Variants in EPHA3 observed in about 807,000 individuals in gnomAD.
The protein encoded by EPHA3 is ephrin type-A receptor 3.
In EPHA3, 42 loss-of-function variants were observed where a neutral mutation model predicts 107.1. The ratio of observed to expected loss-of-function variants is 0.39; its 90% CI spans 0.31 to 0.51. The LOEUF (loss-of-function observed/expected upper bound fraction) is 0.51. Among genes scored for constraint, EPHA3 ranks in the 20% least tolerant of loss-of-function variants. The pLI is 0.78. For synonymous variants in EPHA3, 461 were observed against 424.8 expected, an observed-to-expected ratio of 1.09 and a Z score of -1.05; for missense variants, 1,183 against 1,211.2, an observed-to-expected ratio of 0.98 and a Z score of 0.35.
chr3:89,322,172 A>C (rs1707059067), intron 3 of EPHA3, among the ~76,000 whole-genome samples: 1 of 151,996 alleles, frequency 6.6e-6, no homozygotes. Context: ...TACTTATCGC[A>C]TTCAAGAGAG....
chr3:89,352,055 T>C (rs530391314), intron 5 of EPHA3, among the ~76,000 whole-genome samples: 1 of 151,334 alleles, frequency 6.6e-6, no homozygotes, highest in Admixed American at 6.6e-5. Context: ...ATTATGATAT[T>C]TAAAAGAGAG....
At chr3:89,300,938 C>A (rs1706472391) in intron 3 of EPHA3, among the ~76,000 whole-genome samples, 1 of 152,048 alleles carries the variant, frequency 6.6e-6, no homozygotes. Context: ...GGTTATAAAG[C>A]AAGGTAGCTG....
chr3:89,327,278 AG>A (rs1434407456), intron 3 of EPHA3, among the ~76,000 whole-genome samples: 1 of 152,190 alleles, frequency 6.6e-6, no homozygotes, highest in Non-Finnish European at 1.5e-5. Context: ...TGTTTTAGAA[AG>A]AAGATTTTCA....
intron 3 of EPHA3, among the ~76,000 whole-genome samples, chr3:89,211,723 TTTTTCTTCTTCTTCTTCTCCTTC>T (rs1704091313): frequency 1.6e-5 from 2 of 128,414 alleles, no homozygotes; most frequent in Non-Finnish European, 3.4e-5. Flanking sequence ...CCTCTTCTTC[TTTTTCTTCTTCTTCTTCTCCTTC>T]TTCTTCTTCT....
At chr3:89,143,590 C>A (rs1032427503) in intron 2 of EPHA3, among the ~76,000 whole-genome samples, 6 of 151,438 alleles carry the variant, frequency 4.0e-5, no homozygotes, top group East Asian at 1.9e-4. Context: ...TAAAAAAATT[C>A]TTTTTAAAAT....
At chr3:89,416,452 T>C (rs374981443) in intron 10 of EPHA3, among the ~76,000 whole-genome samples, 2 of 151,382 alleles carry the variant, frequency 1.3e-5, no homozygotes, top group African/African-American at 4.8e-5. Context: ...AGTTCTTTTA[T>C]TTTTTATTTT....
intron 3 of EPHA3, among the ~76,000 whole-genome samples, chr3:89,262,514 C>A (rs190667402): frequency 1.3e-5 from 2 of 152,344 alleles, no homozygotes; most frequent in Non-Finnish European, 1.5e-5. Flanking sequence ...ATTTTCCTGA[C>A]CACTTTATGA....
At chr3:89,430,372 A>G (rs1198957857) in intron 12 of EPHA3, among the ~76,000 whole-genome samples, 1 of 152,166 alleles carries the variant, frequency 6.6e-6, no homozygotes, top group Non-Finnish European at 1.5e-5. Context: ...ATTAAAATCC[A>G]TTAGCCAAAT....
intron 16 of EPHA3, among the ~76,000 whole-genome samples, chr3:89,476,922 G>C (rs1499780): frequency 0.19 from 28,948 of 151,824 alleles, 3,361 homozygotes; most frequent in Non-Finnish European, 0.25. Flanking sequence ...AAAGGGAAGA[G>C]ACAAAGGACA....
chr3:89,445,212 G>C (rs1239804373), intron 13 of EPHA3, among the ~76,000 whole-genome samples: 8 of 152,212 alleles, frequency 5.3e-5, no homozygotes, highest in Admixed American at 5.2e-4. Flanking sequence ...GTTGCAGTGA[G>C]CCGAGAACGC....
In EPHA3 at chr3:89,479,408, AG is replaced by A; in HGVS notation, c.2860del (p.Val954LeufsTer19). ...TTCTTTTTTTACAGTGACATGAAAAAGGTTGGTGTCACCGTGGTTGGGCCAC... is the reference window on the plus strand; with the variant it reads ...TTCTTTTTTTACAGTGACATGAAAAAGTTGGTGTCACCGTGGTTGGGCCAC... Reference protein sequence around the residue: ...IAKISTDDMKKVGVTVVGPQK... With the variant: ...IAKISTDDMKXVGVTVVGPQK... On this transcript the variant is annotated frameshift_variant, in exon 17 of 17. Coordinates refer to ENST00000336596, the MANE Select transcript of EPHA3 (RefSeq NM_005233.6). LOFTEE classifies it high-confidence loss of function. 6.2e-7 allele frequency: 1 copy of A among 1,613,534 alleles called. No homozygotes were observed. Among genetic ancestry groups the A allele is most frequent in the Non-Finnish European group, 8.5e-7 (1 of 1,179,406 alleles).
chr3:89,310,927 C>T (rs1706750098), intron 3 of EPHA3, among the ~76,000 whole-genome samples: 1 of 151,966 alleles, frequency 6.6e-6, no homozygotes. Flanking sequence ...GTTGCACAGT[C>T]TTTGAAGCCA....
intron 15 of EPHA3, among the ~76,000 whole-genome samples, chr3:89,467,997 T>C (rs1252167538): frequency 5.9e-5 from 9 of 152,110 alleles, no homozygotes; most frequent in Admixed American, 5.9e-4. Flanking sequence ...TTCAGACCAA[T>C]GTCTGGGGCT....
intron 5 of EPHA3, among the ~76,000 whole-genome samples, chr3:89,385,834 T>C (rs1708606992): frequency 6.6e-6 from 1 of 152,158 alleles, no homozygotes; most frequent in African/African-American, 2.4e-5. Context: ...TGTGGGAAAG[T>C]GTGGAACTTC....
chr3:89,456,523 C>A (rs1394981250), intron 15 of EPHA3, among the ~76,000 whole-genome samples: 2 of 151,992 alleles, frequency 1.3e-5, no homozygotes, highest in East Asian at 1.9e-4. Flanking sequence ...CAATAGAAGT[C>A]TTTTTATAAT....
chr3:89,154,923 T>C (rs1310392449), intron 2 of EPHA3, among the ~76,000 whole-genome samples: 1 of 148,540 alleles, frequency 6.7e-6, no homozygotes, highest in Non-Finnish European at 1.5e-5. Context: ...ATATTTATAA[T>C]TATCATTGCT....
At chr3:89,121,712 G>C (rs2106961079) in intron 1 of EPHA3, among the ~76,000 whole-genome samples, 1 of 150,368 alleles carries the variant, frequency 6.7e-6, no homozygotes, top group East Asian at 2.0e-4. Flanking sequence ...AGCCAAGTTT[G>C]TGCCACTGCA....
At chr3:89,314,029 A>G (rs983745242) in intron 3 of EPHA3, among the ~76,000 whole-genome samples, 20 of 151,924 alleles carry the variant, frequency 1.3e-4, no homozygotes, top group African/African-American at 4.8e-4. Flanking sequence ...TGAAGAATTA[A>G]TGTTGTGTAA....
chr3:89,440,528 C>T (rs1392158577), intron 13 of EPHA3, among the ~76,000 whole-genome samples: 2 of 152,146 alleles, frequency 1.3e-5, no homozygotes, highest in Admixed American at 6.6e-5. Flanking sequence ...CTTGAAGCCC[C>T]GTAACCCATA....
Sources: gnomAD v4.1 joint callset for allele counts (sites outside exome capture counted in the v4.1 genomes callset) on GRCh38, gnomAD v4.1.1 for gene constraint, MANE v1.5 for transcripts, NCBI Gene and HGNC (gene_info 2026-07-23, HGNC 2026-07-21) for gene names.